Variants in ALDH1L2 observed in about 807,000 individuals in gnomAD.
ALDH1L2 encodes the protein aldehyde dehydrogenase 1 family member L2.
Under a neutral mutation model 111.0 loss-of-function variants are expected in ALDH1L2, and 91 were observed. That is an observed-to-expected ratio of 0.82 (90% CI 0.69 to 0.98). ALDH1L2 has a LOEUF of 0.98. ALDH1L2 is among the 50% of genes least tolerant of loss of function. The pLI is 0.00. For missense variants in ALDH1L2, 995 were observed against 1,126.8 expected, an observed-to-expected ratio of 0.88 and a Z score of 1.67; for synonymous variants, 374 against 392.6, an observed-to-expected ratio of 0.95 and a Z score of 0.56.
At chr12:105,045,685 C>G (rs558675825) in intron 15 of ALDH1L2, among the ~76,000 whole-genome samples, 2 of 152,124 alleles carry the variant, frequency 1.3e-5, no homozygotes, top group African/African-American at 4.8e-5. Context: ...TGAACGTATA[C>G]CTACTTTTTC....
intron 1 of ALDH1L2, among the ~76,000 whole-genome samples, chr12:105,081,171 G>A (rs1173982064): frequency 2.0e-5 from 3 of 152,136 alleles, no homozygotes; most frequent in Admixed American, 6.5e-5. Flanking sequence ...TCCACGGGAG[G>A]TCCTGAAACC....
At chr12:105,044,370 G>A (rs1179716509) in intron 15 of ALDH1L2, among the ~76,000 whole-genome samples, 3 of 139,076 alleles carry the variant, frequency 2.2e-5, no homozygotes, top group African/African-American at 5.2e-5. Context: ...ATACCAATGC[G>A]TGGTCTCCAA....
intron 11 of ALDH1L2, 57 bp downstream of exon 11, chr12:105,052,755 T>C (rs888997692): frequency 6.2e-7 from 1 of 1,604,334 alleles, no homozygotes; most frequent in Non-Finnish European, 8.5e-7. Flanking sequence ...TTTACAATGG[T>C]GTATTAACTA....
At chr12:105,074,384 G>A (rs1369406762) in intron 1 of ALDH1L2, among the ~76,000 whole-genome samples, 2 of 144,582 alleles carry the variant, frequency 1.4e-5, no homozygotes, top group African/African-American at 5.3e-5. Context: ...CTTGAACCCG[G>A]GAGGCAGAGG....
In ALDH1L2 at chr12:105,024,442, C is replaced by T. The variant is rs760436560; in HGVS notation, c.2754G>A (p.Thr918=). The T allele has an allele frequency of 5.0e-6, 8 of 1,613,866 alleles. No individual in the cohort carries two copies. In the Middle Eastern group the frequency reaches 4.9e-4, roughly 100 times the overall value. ...EALNEYLKTK[T]VTLEY ...TGTTGCTCTAATATTCCAGTGTCAC[C>T]GTCTTGGTTTTGAGATATTCATTTA... The change falls in exon 23 of 23, where the codon ACG becomes ACA. Residue 918 remains threonine, a synonymous_variant. Coordinates refer to ENST00000258494, the MANE Select transcript of ALDH1L2 (RefSeq NM_001034173.4).
intron 19 of ALDH1L2, among the ~76,000 whole-genome samples, chr12:105,034,066 C>T (rs976581811): frequency 1.3e-5 from 2 of 152,152 alleles, no homozygotes; most frequent in African/African-American, 4.8e-5. Context: ...AATTTATTCC[C>T]CTACTCATTT....
chr12:105,031,747 A>G (rs1013777446), intron 20 of ALDH1L2, 22 bp downstream of exon 20: 21 of 1,606,420 alleles, frequency 1.3e-5, no homozygotes, highest in East Asian at 2.2e-5. Flanking sequence ...CACCCGGTAA[A>G]CCCCCACAGA....
chr12:105,068,777 T>A lies in ALDH1L2; in HGVS notation c.536A>T (p.Asn179Ile), dbSNP rs758930849. The A allele has an allele frequency of 6.2e-7, 1 of 1,606,818 alleles. No homozygotes were observed. The highest frequency in any genetic ancestry group is 1.3e-5 in the African/African-American group (1 of 74,740). ...ATTATAAAGTGCATCCACTGTATCA[T>A]TGGGTTCAACATCACATGATCTCTG... is the stretch of plus-strand genomic sequence containing the variant. Reference protein sequence around the residue: ...LLQRSCDVEPNDTVDALYNRF... With the variant: ...LLQRSCDVEPIDTVDALYNRF... The change falls in exon 4 of 23, where the codon AAT becomes ATT. Residue 179 changes from asparagine (N) to isoleucine (I), a missense_variant. Coordinates refer to ENST00000258494, the MANE Select transcript of ALDH1L2 (RefSeq NM_001034173.4).
intron 22 of ALDH1L2, 110 bp downstream of exon 22, chr12:105,026,435 T>A (rs1874412191): frequency 1.6e-6 from 2 of 1,256,524 alleles, no homozygotes. Flanking sequence ...CAGATATAAC[T>A]GCCATGTAGG....
chr12:105,073,143 G>C (rs1243956367), intron 2 of ALDH1L2, among the ~76,000 whole-genome samples: 1 of 152,174 alleles, frequency 6.6e-6, no homozygotes, highest in Non-Finnish European at 1.5e-5. Context: ...CATAGTGTGA[G>C]CACTTTGTGT....
intron 2 of ALDH1L2, among the ~76,000 whole-genome samples, chr12:105,071,833 T>C (rs2136107088): frequency 6.7e-6 from 1 of 149,446 alleles, no homozygotes; most frequent in South Asian, 2.1e-4. Flanking sequence ...ACACCTGTAA[T>C]CCCAGCACTT....
At chr12:105,075,349 C>G (rs969751504) in intron 1 of ALDH1L2, among the ~76,000 whole-genome samples, 1 of 152,216 alleles carries the variant, frequency 6.6e-6, no homozygotes, top group Non-Finnish European at 1.5e-5. Flanking sequence ...CTTTGGGAGG[C>G]TGAGGCGGGT....
At chr12:105,059,279 TA>T (rs1876839098) in intron 9 of ALDH1L2, among the ~76,000 whole-genome samples, 1 of 25,146 alleles carries the variant, frequency 4.0e-5, no homozygotes. Context: ...ATAATAATAA[TA>T]ATAATAATAA....
chr12:105,026,406 A>G, intron 22 of ALDH1L2, 139 bp downstream of exon 22: 2 of 862,500 alleles, frequency 2.3e-6, no homozygotes, highest in Non-Finnish European at 3.5e-6. Flanking sequence ...ATTTTAAAAA[A>G]CGAATGCCCT....
At chr12:105,074,457 CCAAAAAAAAAA>C (rs1877921496) in intron 1 of ALDH1L2, among the ~76,000 whole-genome samples, 3 of 93,702 alleles carry the variant, frequency 3.2e-5, no homozygotes, top group South Asian at 3.1e-4. Context: ...GACTCTGTCT[CCAAAAAAAAAA>C]AAAAAAAAAA....
chr12:105,044,236 A>G (rs1357198098), intron 15 of ALDH1L2, among the ~76,000 whole-genome samples: 3 of 152,146 alleles, frequency 2.0e-5, no homozygotes, highest in Non-Finnish European at 4.4e-5. Context: ...CACTCAAAGA[A>G]TGTTTGTAAT....
Position 105,077,570 on chromosome 12 carries a change from C to T in ALDH1L2, c.49-3565G>A, listed in dbSNP as rs551206957. 3.9e-5 allele frequency among the ~76,000 whole-genome samples: 6 copies of T among 152,016 alleles called. No individual in the cohort carries two copies. The South Asian group carries it at 6.2e-4, about 16-fold the overall frequency. On this transcript the variant is annotated intron_variant, in intron 1 of 22. Transcript: ENST00000258494. ...CTAGGATTACAGGCGTGAGCCACCA[C>T]GCCCGACCTTGTTTCTTTAGAGAGA... is the stretch of plus-strand genomic sequence containing the variant.
In ALDH1L2 at chr12:105,021,541, A is replaced by G; in HGVS notation, c.*2883T>C. On this transcript the variant is annotated 3_prime_UTR_variant, in exon 23 of 23. Transcript: ENST00000258494. ...AGAGGTTGCAGTGAGCCAAGATTGC[A>G]CCACTGCACTGCAGCCTGGGCAACA... The G allele has an allele frequency of 6.6e-6, 1 of 151,734 alleles. No individual in the cohort carries two copies. Among genetic ancestry groups the G allele is most frequent in the Non-Finnish European group, 1.5e-5 (1 of 68,134 alleles). The allele number at this position is 151,734 out of a possible 1,614,324, so 9.4% of individuals were successfully genotyped here.
intron 10 of ALDH1L2, among the ~76,000 whole-genome samples, chr12:105,057,005 T>G (rs933620294): frequency 2.6e-4 from 39 of 150,660 alleles, no homozygotes; most frequent in African/African-American, 9.0e-4. Context: ...TATTTGCAAA[T>G]CTTACATCTG....
Sources: allele counts gnomAD v4.1 joint callset (sites outside exome capture counted in the v4.1 genomes callset), GRCh38; gene constraint gnomAD v4.1.1; transcripts MANE v1.5; gene names NCBI Gene and HGNC (gene_info 2026-07-23, HGNC 2026-07-21).